Variants in DACT3 observed in about 807,000 individuals in gnomAD.
DACT3 encodes dishevelled binding antagonist of beta catenin 3, also known as dapper homolog 3.
Under a neutral mutation model 19.6 loss-of-function variants are expected in DACT3, and 5 were observed. The observed-to-expected ratio is 0.26, with a 90% CI of 0.13 to 0.54. The LOEUF is 0.54. Ranked by LOEUF, DACT3 falls within the 20% of genes least tolerant of loss-of-function variation. The pLI is 0.95. For synonymous variants in DACT3, 454 were observed against 428.1 expected (o/e 1.06, Z -0.75); for missense variants, 908 against 927.4 (o/e 0.98, Z 0.27).
chr19:46,651,041 A>G (rs1386014762), intron 3 of DACT3: 1 of 149,806 alleles, frequency 6.7e-6, no homozygotes, highest in Non-Finnish European at 1.5e-5. Context: ...TATTTTACTT[A>G]TTTATCCTGG....
In DACT3 at chr19:46,660,760, C is replaced by A; in HGVS notation, c.249+56G>T. 2.1e-6 allele frequency: 3 copies of A among 1,421,014 alleles called. No homozygotes were observed. Among genetic ancestry groups the A allele is most frequent in the South Asian group, 2.9e-5 (2 of 68,470 alleles). 88.0% of individuals were successfully genotyped at this position (1,421,014 alleles called of 1,614,324 possible). A position where few individuals can be genotyped will look rare whatever the true frequency, so the allele number is the denominator to read the frequency against. On this transcript the variant is annotated intron_variant, in intron 1 of 3. Coordinates refer to ENST00000391916, the MANE Select transcript of DACT3 (RefSeq NM_145056.3). This position sits in a 1 kb window ranked among gnomAD's most constrained non-coding sequence, Gnocchi z 4.9. ...CCCGCCCGGTGTCTGAGCATCCAAC[C>A]GAGACAGACAGACACAGACGGGGGT...
chr19:46,654,765 G>C, intron 1 of DACT3: 1 of 985,366 alleles, frequency 1.0e-6, no homozygotes, highest in African/African-American at 1.7e-5. Flanking sequence ...GGGAGGGCAG[G>C]CACCCAACCC....
intron 3 of DACT3, 73 bp downstream of exon 3, chr19:46,652,587 G>A (rs781547534): frequency 7.2e-5 from 106 of 1,468,340 alleles, no homozygotes; most frequent in South Asian, 8.8e-5. Flanking sequence ...GGCCCGATTC[G>A]GAAGTCTGTG....
intron 1 of DACT3, among the ~76,000 whole-genome samples, chr19:46,655,925 CTATATATA>C (rs557971018): frequency 5.5e-4 from 76 of 137,934 alleles, no homozygotes; most frequent in Admixed American, 2.4e-3. Context: ...CTCTCTCTCT[CTATATATA>C]TATATATATA....
Position 46,648,696 on chromosome 19 carries a change from G to C in DACT3, c.1676C>G (p.Ala559Gly). Residue 559 changes from alanine to glycine, a missense_variant, in exon 4 of 4, where the codon GCC becomes GGC. Ala to Gly is a moderately conservative substitution (Grantham distance 60, BLOSUM62 0). Coordinates refer to ENST00000391916, the MANE Select transcript of DACT3 (RefSeq NM_145056.3). This position sits in a 1 kb window ranked among gnomAD's most constrained non-coding sequence, Gnocchi z 5.1. ...TGAGTCGCTGGAGGCAGAGCTGAAG[G>C]CAGGCGATTCTCCCTCGCTGGCGCT... ...ESSASEGESP[A>G]FSSASSDSDG... 1 of 1,610,302 alleles carries C rather than the reference G, an allele frequency of 6.2e-7. No individual in the cohort carries two copies. Among genetic ancestry groups the C allele is most frequent in the Non-Finnish European group, 8.5e-7 (1 of 1,179,252 alleles).
At position 46,649,079 on chromosome 19, in the gene DACT3, C is replaced by A; in HGVS notation, c.1293G>T (p.Leu431=). The part of the protein sequence containing the change: ...ASRSQSETSL[L]GRASAVPSGP... The stretch of plus-strand genomic sequence containing the variant: ...CCGAAGGGACCGCGGAGGCGCGGCC[C>A]AGCAGGCTGGTCTCAGACTGGGAGC... The change falls in exon 4 of 4, where the codon CTG becomes CTT. Residue 431 remains leucine (L), a synonymous_variant. Coordinates refer to ENST00000391916, the MANE Select transcript of DACT3 (RefSeq NM_145056.3). 7.7e-7 allele frequency: 1 copy of A among 1,295,038 alleles called. No individual in the cohort carries two copies. The allele number at this position is 1,295,038 out of a possible 1,614,324, so 80.2% of individuals were successfully genotyped here.
chr19:46,659,615 G>A (rs1216480272), intron 1 of DACT3: 3 of 193,622 alleles, frequency 1.5e-5, no homozygotes, highest in Non-Finnish European at 2.8e-5. Context: ...GGGAGGGGCC[G>A]GGCGTGCAGC....
At chr19:46,653,702 C>T (rs969869649) in intron 1 of DACT3, among the ~76,000 whole-genome samples, 1 of 151,890 alleles carries the variant, frequency 6.6e-6, no homozygotes, top group Non-Finnish European at 1.5e-5. Flanking sequence ...TACAGGCGCC[C>T]GCCACCACGC....
At chr19:46,659,086 G>A in intron 1 of DACT3, 2 of 984,952 alleles carry the variant, frequency 2.0e-6, no homozygotes, top group Non-Finnish European at 2.4e-6. Flanking sequence ...CAAGGGTTGG[G>A]GGATCAGAAG....
rs571928901 is a variant in DACT3 at position 46,647,673 on chromosome 19, T to G, written c.*809A>C. ...AGAAACACACAGAATCTGGCCCCCCTTTGCACTGGGGAGTCACCATCGTCA... is the reference window on the plus strand; with the variant it reads ...AGAAACACACAGAATCTGGCCCCCCGTTGCACTGGGGAGTCACCATCGTCA... On this transcript the variant is annotated 3_prime_UTR_variant, in exon 4 of 4. Transcript: ENST00000391916. The G allele has an allele frequency of 9.8e-5, 15 of 152,662 alleles. No homozygotes were observed. Among genetic ancestry groups the G allele is most frequent in the Admixed American group, 2.6e-4 (4 of 15,272 alleles). 9.5% of individuals were successfully genotyped at this position (152,662 alleles called of 1,614,324 possible). A position where few individuals can be genotyped will look rare whatever the true frequency, so the allele number is the denominator to read the frequency against.
chr19:46,649,881 G>T lies in DACT3; in HGVS notation c.500-9C>A. ...GCTGGGACTGGCGTCTCCTAGGGAAGGAAGGCCAAAAAAAAAAAAAAAAGA... is the reference window on the plus strand; with the variant it reads ...GCTGGGACTGGCGTCTCCTAGGGAATGAAGGCCAAAAAAAAAAAAAAAAGA... On this transcript the variant is annotated splice_polypyrimidine_tract_variant and intron_variant, in intron 3 of 3. Coordinates refer to ENST00000391916, the MANE Select transcript of DACT3 (RefSeq NM_145056.3). 1 of 1,309,650 alleles carries T rather than the reference G, an allele frequency of 7.6e-7. No individual in the cohort carries two copies. The highest frequency in any genetic ancestry group is 1.7e-5 in the South Asian group (1 of 58,392). 81.1% of individuals were successfully genotyped at this position (1,309,650 alleles called of 1,614,324 possible).
At chr19:46,650,127 A>ATTTT (rs58142251) in intron 3 of DACT3, 2,831 of 96,086 alleles carry the variant, frequency 0.029, 216 homozygotes, top group African/African-American at 0.058. Flanking sequence ...CTTACCCCCT[A>ATTTT]TTTTTTTTTT....
chr19:46,648,854 CG>C lies in DACT3; in HGVS notation c.1517del (p.Pro506ArgfsTer98). ...AARVPGPGPS[P>X]SAPQRRLLYG... ...AAAGCAGACGACGCTGGGGAGCTGA[CG>C]GGGACGGGCCGGGGCCGGGAACACG... On this transcript the variant is annotated frameshift_variant, in exon 4 of 4. Coordinates refer to ENST00000391916, the MANE Select transcript of DACT3 (RefSeq NM_145056.3). LOFTEE classifies it low-confidence loss of function (END_TRUNC). The surrounding 1 kb of genome is among the most constrained non-coding windows in gnomAD (Gnocchi z 5.1). The C allele has an allele frequency of 6.9e-7, 1 of 1,456,444 alleles. No homozygotes were observed. Among genetic ancestry groups the C allele is most frequent in the Non-Finnish European group, 9.0e-7 (1 of 1,114,676 alleles). 90.2% of individuals were successfully genotyped at this position (1,456,444 alleles called of 1,614,324 possible).
At chr19:46,653,529 C>G (rs201799078) in intron 1 of DACT3, among the ~76,000 whole-genome samples, 1 of 83,968 alleles carries the variant, frequency 1.2e-5, no homozygotes, top group Non-Finnish European at 2.6e-5. Context: ...CCAAGTTTTT[C>G]TTTTTTTATT....
chr19:46,652,582 G>T (rs115126282), intron 3 of DACT3, 78 bp downstream of exon 3: 1 of 1,443,664 alleles, frequency 6.9e-7, no homozygotes, highest in Non-Finnish European at 9.3e-7. Flanking sequence ...ATCCAGGCCC[G>T]ATTCGGAAGT....
At chr19:46,654,818 A>G in intron 1 of DACT3, 1 of 939,942 alleles carries the variant, frequency 1.1e-6, no homozygotes, top group Admixed American at 6.2e-5. Flanking sequence ...CCCGGCAGCC[A>G]CAACCCCCCC....
Position 46,649,474 on chromosome 19 carries a change from G to T in DACT3, c.898C>A (p.Arg300=). Residue 300 remains arginine, a synonymous_variant, in exon 4 of 4, where the codon CGA becomes AGA. Transcript: ENST00000391916. ...PDASPSPGSA[R]PAREPSLERV... ...TCCAACGAGGGCTCCCGCGCGGGTC[G>T]CGCGCTGCCGGGGGACGGAGACGCG... 8.7e-7 allele frequency: 1 copy of T among 1,154,300 alleles called. No homozygotes were observed. 71.5% of individuals were successfully genotyped at this position (1,154,300 alleles called of 1,614,324 possible).
At position 46,649,886 on chromosome 19, in the gene DACT3, G is replaced by T. The variant is rs1599787905; in HGVS notation, c.500-14C>A. ...GACTGGCGTCTCCTAGGGAAGGAAG[G>T]CCAAAAAAAAAAAAAAAAGAGAGAG... On this transcript the variant is annotated splice_polypyrimidine_tract_variant and intron_variant, in intron 3 of 3. Transcript: ENST00000391916. The T allele has an allele frequency of 1.6e-6, 2 of 1,280,090 alleles. No individual in the cohort carries two copies. Among genetic ancestry groups the T allele is most frequent in the East Asian group, 3.2e-5 (1 of 30,770 alleles). 79.3% of individuals were successfully genotyped at this position (1,280,090 alleles called of 1,614,324 possible).
rs2053069872 is a variant in DACT3, at chr19:46,660,809, C to CAAGG, written c.249+6_249+7insCCTT. The CAAGG allele has an allele frequency of 4.0e-6, 6 of 1,495,500 alleles. No individual in the cohort carries two copies. The East Asian group carries it at 1.6e-4, about 40-fold the overall frequency. The allele number at this position is 1,495,500 out of a possible 1,614,324, so 92.6% of individuals were successfully genotyped here. Reference sequence around the variant, plus strand: ...GTGGAGGGACGGACGGACAGGCAGCCCCTTACCAGCTGCTCCTCCAGGGCC... The same window carrying CAAGG: ...GTGGAGGGACGGACGGACAGGCAGCCAAGGCCTTACCAGCTGCTCCTCCAGGGCC... On this transcript the variant is annotated splice_region_variant and intron_variant, in intron 1 of 3. Coordinates refer to ENST00000391916, the MANE Select transcript of DACT3 (RefSeq NM_145056.3). This position sits in a 1 kb window ranked among gnomAD's most constrained non-coding sequence, Gnocchi z 4.9.
Sources: allele counts gnomAD v4.1 joint callset (sites outside exome capture counted in the v4.1 genomes callset), GRCh38; gene constraint gnomAD v4.1.1; non-coding constraint Gnocchi (gnomAD v3.1); transcripts MANE v1.5; gene names NCBI Gene and HGNC (gene_info 2026-07-23, HGNC 2026-07-21).